The following TCP11L1 variants were observed in gnomAD, a reference collection of about 807,000 sequenced individuals.
The protein encoded by TCP11L1 is T-complex protein 11-like protein 1.
A neutral mutation model predicts 48.9 loss-of-function variants in TCP11L1; 28 were observed. The observed-to-expected ratio is 0.57, with a 90% CI of 0.42 to 0.78. TCP11L1 has a LOEUF of 0.78. Among genes scored for constraint, TCP11L1 ranks in the 30% least tolerant of loss-of-function variants. The probability of loss-of-function intolerance (pLI) is 0.00; values close to 1 mark genes in which losing one functional copy is unlikely to be tolerated. For synonymous variants in TCP11L1, 204 were observed against 231.9 expected (o/e 0.88, Z 1.09); for missense variants, 505 against 613.4 (o/e 0.82, Z 1.87).
rs1854847914 is a variant in TCP11L1 at position 33,073,234 on chromosome 11, G to A, written c.*558G>A. On this transcript the variant is annotated 3_prime_UTR_variant, in exon 10 of 10. Coordinates refer to ENST00000334274, the MANE Select transcript of TCP11L1 (RefSeq NM_018393.4). ...CTCCCAAGCCCTTTTTTCTAGAGGA[G>A]AGTTATTTGTCTCTCTCTCTTTTTT... 1 of 152,352 alleles carries A rather than the reference G, an allele frequency of 6.6e-6. No individual in the cohort carries two copies. Among genetic ancestry groups the A allele is most frequent in the Non-Finnish European group, 1.5e-5 (1 of 68,296 alleles). 9.4% of individuals were successfully genotyped at this position (152,352 alleles called of 1,614,324 possible). A position where few individuals can be genotyped will look rare whatever the true frequency, so the allele number is the denominator to read the frequency against.
intron 7 of TCP11L1, 63 bp downstream of exon 7, chr11:33,061,789 G>T: frequency 6.8e-7 from 1 of 1,472,246 alleles, no homozygotes; most frequent in South Asian, 1.5e-5. Context: ...TTTTTAAAAA[G>T]AATAGCTTTG....
At chr11:33,056,704 A>G (rs1268154219) in intron 3 of TCP11L1, 3 of 231,514 alleles carry the variant, frequency 1.3e-5, no homozygotes, top group Non-Finnish European at 2.7e-5. Flanking sequence ...TCGGCCTCCA[A>G]AAGTGCTGGG....
intron 9 of TCP11L1, among the ~76,000 whole-genome samples, chr11:33,070,337 A>G (rs898935687): frequency 2.0e-5 from 3 of 152,074 alleles, no homozygotes; most frequent in Non-Finnish European, 4.4e-5. Context: ...CAATACAAAG[A>G]TTTCTACTTC....
intron 9 of TCP11L1, among the ~76,000 whole-genome samples, chr11:33,070,609 T>C (rs1854755244): frequency 6.9e-6 from 1 of 145,070 alleles, no homozygotes; most frequent in Middle Eastern, 3.8e-3. Flanking sequence ...CGCTTGAACC[T>C]GAAAGGTGGA....
intron 7 of TCP11L1, among the ~76,000 whole-genome samples, chr11:33,063,765 TTCTTA>T (rs1377265055): frequency 2.0e-5 from 3 of 152,218 alleles, no homozygotes; most frequent in Non-Finnish European, 4.4e-5. Context: ...CTAAATATCT[TTCTTA>T]TAAGTTCCTT....
intron 9 of TCP11L1, 122 bp downstream of exon 9, chr11:33,068,981 A>G: frequency 7.9e-7 from 1 of 1,272,238 alleles, no homozygotes; most frequent in Non-Finnish European, 1.1e-6. Flanking sequence ...AGATGGTGTA[A>G]TGAAGCACCA....
Position 33,043,754 on chromosome 11 carries a change from G to C in TCP11L1, c.-20G>C. ...TTTTGTTTTTTTCTTTCCTAGGAAA[G>C]TGAATAAACTTAATTGAGAATGTCT... is the stretch of plus-strand genomic sequence containing the variant. On this transcript the variant is annotated 5_prime_UTR_variant, in exon 2 of 10. Transcript: ENST00000334274. The C allele has an allele frequency of 6.3e-7, 1 of 1,580,478 alleles. No homozygotes were observed. The highest frequency in any genetic ancestry group is 2.3e-5 in the East Asian group (1 of 44,270).
intron 5 of TCP11L1, among the ~76,000 whole-genome samples, chr11:33,058,656 T>C (rs1854385870): frequency 6.6e-6 from 1 of 152,242 alleles, no homozygotes; most frequent in African/African-American, 2.4e-5. Flanking sequence ...TACATAGATA[T>C]ATTTTTTATA....
rs1343964462 is a variant in TCP11L1, at chr11:33,057,260, GC to G, written c.417+26del. The G allele has an allele frequency of 3.7e-6, 6 of 1,613,880 alleles. No homozygotes were observed. In the African/African-American group the frequency reaches 6.7e-5, roughly 18 times the overall value. On this transcript the variant is annotated intron_variant, in intron 4 of 9. Coordinates refer to ENST00000334274, the MANE Select transcript of TCP11L1 (RefSeq NM_018393.4). ...GGTGAGGCAAAGAGTGAATTGTGAT[GC>G]TTTTCTGGTGTGTTAGGAGTGTTTA...
At chr11:33,058,396 A>C (rs1854374655) in intron 5 of TCP11L1, among the ~76,000 whole-genome samples, 1 of 152,044 alleles carries the variant, frequency 6.6e-6, no homozygotes, top group Non-Finnish European at 1.5e-5. Context: ...ATGGTGTTTC[A>C]CTACGTTGGC....
At chr11:33,041,904 A>G (rs975018742) in intron 1 of TCP11L1, among the ~76,000 whole-genome samples, 1 of 152,162 alleles carries the variant, frequency 6.6e-6, no homozygotes, top group Non-Finnish European at 1.5e-5. Flanking sequence ...AACTCCCTAA[A>G]TCAGTTGACA....
chr11:33,062,330 A>G (rs1183381744), intron 7 of TCP11L1, among the ~76,000 whole-genome samples: 2 of 144,168 alleles, frequency 1.4e-5, no homozygotes, highest in Non-Finnish European at 3.0e-5. Context: ...GAAGCCACAG[A>G]TCTGCTTTCT....
At position 33,069,664 on chromosome 11, in the gene TCP11L1, G is replaced by A. The variant is rs115092509; in HGVS notation, c.1327+805G>A. Among the ~76,000 whole-genome samples the A allele has an allele frequency of 1.4e-3, 218 of 152,066 alleles. 1 individual carries two copies. Among genetic ancestry groups the A allele is most frequent in the African/African-American group, 5.1e-3 (210 of 41,478 alleles). ...GACTGGAGTGCAGTGATGCGATCTC[G>A]GCTCACTGCACTCCACCTCTGTGCT... On this transcript the variant is annotated intron_variant, in intron 9 of 9. Coordinates refer to ENST00000334274, the MANE Select transcript of TCP11L1 (RefSeq NM_018393.4).
At chr11:33,058,644 G>A (rs898284189) in intron 5 of TCP11L1, among the ~76,000 whole-genome samples, 2 of 151,186 alleles carry the variant, frequency 1.3e-5, no homozygotes, top group African/African-American at 4.9e-5. Flanking sequence ...TTATCATTTT[G>A]ATACATAGAT....
chr11:33,044,664 G>A (rs1853936547), intron 2 of TCP11L1, among the ~76,000 whole-genome samples: 1 of 152,172 alleles, frequency 6.6e-6, no homozygotes, highest in South Asian at 2.1e-4. Context: ...TTTGGGGTGT[G>A]TTTCTTCTAA....
rs144693105 is a variant in TCP11L1 at position 33,067,836 on chromosome 11, G to T, written c.1155-851G>T. Among the ~76,000 whole-genome samples, 740 of 152,254 alleles carry T rather than the reference G, an allele frequency of 4.9e-3. 4 individuals are homozygous for T. Among genetic ancestry groups the T allele is most frequent in the Middle Eastern group, 6.8e-3 (2 of 292 alleles). ...ACAGGCACCCTGGGAGAGCCTGGGGGACCCAGGGTATCCAGGTACTCTTTT... is the reference window on the plus strand; with the variant it reads ...ACAGGCACCCTGGGAGAGCCTGGGGTACCCAGGGTATCCAGGTACTCTTTT... On this transcript the variant is annotated intron_variant, in intron 8 of 9. Coordinates refer to ENST00000334274, the MANE Select transcript of TCP11L1 (RefSeq NM_018393.4).
chr11:33,060,036 C>T (rs528097975), intron 6 of TCP11L1, among the ~76,000 whole-genome samples: 1 of 152,088 alleles, frequency 6.6e-6, no homozygotes, highest in East Asian at 1.9e-4. Flanking sequence ...GATTTTTGAC[C>T]AGAATGGATT....
rs1249029197 is a variant in TCP11L1 at position 33,073,093 on chromosome 11, G to A, written c.*417G>A. 9.8e-6 allele frequency: 2 copies of A among 203,320 alleles called. No individual in the cohort carries two copies. Among genetic ancestry groups the A allele is most frequent in the African/African-American group, 4.6e-5 (2 of 43,148 alleles). 12.6% of individuals were successfully genotyped at this position (203,320 alleles called of 1,614,324 possible). A position where few individuals can be genotyped will look rare whatever the true frequency, so the allele number is the denominator to read the frequency against. ...TGGCCTCACCTCCTGCCCTCCCTCA[G>A]ACAGCCTTGTCCCTCACCCCTCCCT... On this transcript the variant is annotated 3_prime_UTR_variant, in exon 10 of 10. Coordinates refer to ENST00000334274, the MANE Select transcript of TCP11L1 (RefSeq NM_018393.4).
chr11:33,060,879 G>A (rs1293481462), intron 6 of TCP11L1, among the ~76,000 whole-genome samples: 1 of 152,194 alleles, frequency 6.6e-6, no homozygotes, highest in Non-Finnish European at 1.5e-5. Context: ...CAGTGGTCAG[G>A]ATGGGAGAGA....
Sources: gnomAD v4.1 joint callset for allele counts (sites outside exome capture counted in the v4.1 genomes callset) on GRCh38, gnomAD v4.1.1 for gene constraint, MANE v1.5 for transcripts, NCBI Gene and HGNC (gene_info 2026-07-23, HGNC 2026-07-21) for gene names.